PLCB1: variants seen among roughly 807,000 people sequenced by gnomAD.
The protein encoded by PLCB1 is 1-phosphatidylinositol 4,5-bisphosphate phosphodiesterase beta-1.
A neutral mutation model predicts 161.8 loss-of-function variants in PLCB1; 46 were observed. The observed-to-expected ratio is 0.28, with a 90% CI of 0.22 to 0.36. PLCB1 has a LOEUF of 0.36. Ranked by LOEUF, PLCB1 falls within the 10% of genes least tolerant of loss-of-function variation. The probability of loss-of-function intolerance (pLI) is 1.00; values close to 1 mark genes in which losing one functional copy is unlikely to be tolerated. For missense variants in PLCB1, 1,016 were observed against 1,472.5 expected, an observed-to-expected ratio of 0.69 and a Z score of 5.07; for synonymous variants, 517 against 503.7, an observed-to-expected ratio of 1.03 and a Z score of -0.35.
intron 1 of PLCB1, among the ~76,000 whole-genome samples, chr20:8,134,234 A>G (rs545569906): frequency 6.6e-6 from 1 of 152,384 alleles, no homozygotes; most frequent in African/African-American, 2.4e-5. Flanking sequence ...AAGACAAAGA[A>G]AATGCAGTTC....
intron 11 of PLCB1, among the ~76,000 whole-genome samples, chr20:8,699,518 G>T (rs184386270): frequency 2.0e-5 from 3 of 152,224 alleles, no homozygotes; most frequent in East Asian, 1.9e-4. Flanking sequence ...AAGATTGAAA[G>T]GTAGTGTTTT....
At chr20:8,425,799 A>C (rs1010500314) in intron 3 of PLCB1, among the ~76,000 whole-genome samples, 8 of 152,232 alleles carry the variant, frequency 5.3e-5, no homozygotes, top group African/African-American at 1.9e-4. Flanking sequence ...GTCCACGCTC[A>C]TTAAGGCTGT....
chr20:8,531,253 G>T (rs914889885), intron 3 of PLCB1, among the ~76,000 whole-genome samples: 1 of 151,984 alleles, frequency 6.6e-6, no homozygotes, highest in Non-Finnish European at 1.5e-5. Context: ...CTCTGTAAAA[G>T]AATTATATTA....
intron 31 of PLCB1, among the ~76,000 whole-genome samples, chr20:8,808,189 A>C (rs775750687): frequency 1.8e-4 from 27 of 152,216 alleles, no homozygotes; most frequent in Non-Finnish European, 2.9e-4. Flanking sequence ...AAAATGTCAC[A>C]GACTGGGTGG....
At chr20:8,449,303 T>A (rs1980970203) in intron 3 of PLCB1, among the ~76,000 whole-genome samples, 1 of 152,182 alleles carries the variant, frequency 6.6e-6, no homozygotes, top group Non-Finnish European at 1.5e-5. Flanking sequence ...CACTAAACAC[T>A]CTTGGCTACC....
chr20:8,610,435 G>C (rs1016773497), intron 3 of PLCB1, among the ~76,000 whole-genome samples: 1 of 152,102 alleles, frequency 6.6e-6, no homozygotes, highest in Non-Finnish European at 1.5e-5. Flanking sequence ...GAAAAATGCT[G>C]CTATGAACTT....
chr20:8,833,090 G>C (rs1406600735), intron 31 of PLCB1, among the ~76,000 whole-genome samples: 1 of 152,200 alleles, frequency 6.6e-6, no homozygotes, highest in Non-Finnish European at 1.5e-5. Flanking sequence ...GCAATGAGGA[G>C]ATTATCTTGG....
At chr20:8,653,648 C>T (rs1989376780) in intron 7 of PLCB1, 1 of 151,958 alleles carries the variant, frequency 6.6e-6, no homozygotes. Context: ...TTTAAAATAA[C>T]ATTTTTTCTG....
chr20:8,435,884 G>C (rs1568674952), intron 3 of PLCB1, among the ~76,000 whole-genome samples: 1 of 152,120 alleles, frequency 6.6e-6, no homozygotes, highest in Non-Finnish European at 1.5e-5. Flanking sequence ...GGTTTTGACT[G>C]ACCCCAGATG....
chr20:8,714,721 G>T (rs915159240), intron 12 of PLCB1, among the ~76,000 whole-genome samples: 3 of 152,176 alleles, frequency 2.0e-5, no homozygotes, highest in Non-Finnish European at 2.9e-5. Flanking sequence ...CACGGTTGCT[G>T]TGGAGGACTT....
At chr20:8,434,450 A>G (rs1477030677) in intron 3 of PLCB1, among the ~76,000 whole-genome samples, 2 of 152,200 alleles carry the variant, frequency 1.3e-5, no homozygotes, top group African/African-American at 4.8e-5. Flanking sequence ...CTTCTGTCTT[A>G]TTCACTGCTT....
chr20:8,568,936 A>T (rs1312303911), intron 3 of PLCB1, among the ~76,000 whole-genome samples: 1 of 152,232 alleles, frequency 6.6e-6, no homozygotes, highest in African/African-American at 2.4e-5. Context: ...ATTGTGGACA[A>T]CTGGAAGCTA....
At position 8,739,264 on chromosome 20, in the gene PLCB1, G is replaced by T; in HGVS notation, c.2212G>T (p.Val738Phe). 1.9e-6 allele frequency: 3 copies of T among 1,602,608 alleles called. No homozygotes were observed. The highest frequency in any genetic ancestry group is 2.6e-6 in the Non-Finnish European group (3 of 1,169,542). Residue 738 changes from valine to phenylalanine, a missense_variant, in exon 21 of 32, where the codon GTT becomes TTT. By Grantham distance (50) the Val-to-Phe change is conservative. This residue lies in a region of PLCB1 where 75 missense variants were observed against 117.0 expected (regional missense o/e 0.64). Transcript: ENST00000338037. ...EEEPIVFKKV[V>F]LPTLACLRIA... Reference sequence around the variant, plus strand: ...GTGTCCTTAATGTCCTTTGTAGGTGGTTCTTCCTACTCTGGCCTGTTTGAG... The same window carrying T: ...GTGTCCTTAATGTCCTTTGTAGGTGTTTCTTCCTACTCTGGCCTGTTTGAG...
At position 8,703,435 on chromosome 20, in the gene PLCB1, G is replaced by C. The variant is rs985544810; in HGVS notation, c.1168-5235G>C. Among the ~76,000 whole-genome samples, 5 of 152,290 alleles carry C rather than the reference G, an allele frequency of 3.3e-5. No homozygotes were observed. In the East Asian group the frequency reaches 7.7e-4, roughly 24 times the overall value. On this transcript the variant is annotated intron_variant, in intron 11 of 31. Transcript: ENST00000338037. ...GGTGGGGGGCTAAATTAAGTCATCT[G>C]TAAGGCTAACATGGTAGAAGGTGTG...
chr20:8,474,612 T>A (rs1982193410), intron 3 of PLCB1, among the ~76,000 whole-genome samples: 1 of 152,154 alleles, frequency 6.6e-6, no homozygotes, highest in Non-Finnish European at 1.5e-5. Context: ...GACTGACTAT[T>A]GAGCCATAAA....
intron 31 of PLCB1, among the ~76,000 whole-genome samples, chr20:8,793,730 T>C (rs1983883075): frequency 6.6e-6 from 1 of 152,196 alleles, no homozygotes; most frequent in African/African-American, 2.4e-5. Flanking sequence ...AAATTGCTAA[T>C]GAAGTTTTGG....
At position 8,132,718 on chromosome 20, in the gene PLCB1, A is replaced by G. The variant is rs2051304754; in HGVS notation, c.67A>G (p.Lys23Glu). ...LKPVCVSDSL[K>E]KGTKFVKWDD... is the part of the protein sequence containing the mutation. ...GCCCGTGTGCGTGTCCGACAGCCTC[A>G]AGAAGGGCACCAAATTCGTCAAGTG... Residue 23 changes from lysine to glutamate, a missense_variant, in exon 1 of 32, where the codon AAG becomes GAG. Transcript: ENST00000338037. This position sits in a 1 kb window ranked among gnomAD's most constrained non-coding sequence, Gnocchi z 5.2. 6.2e-7 allele frequency: 1 copy of G among 1,612,260 alleles called. No individual in the cohort carries two copies. Among genetic ancestry groups the G allele is most frequent in the African/African-American group, 1.3e-5 (1 of 74,966 alleles).
chr20:8,684,152 G>A (rs542876238), intron 9 of PLCB1, among the ~76,000 whole-genome samples: 2 of 151,974 alleles, frequency 1.3e-5, no homozygotes, highest in East Asian at 3.9e-4. Context: ...CCAAAGTGCT[G>A]GGATTACAGG....
At chr20:8,349,523 TTCTG>T (rs1374813717) in intron 2 of PLCB1, among the ~76,000 whole-genome samples, 1 of 152,250 alleles carries the variant, frequency 6.6e-6, no homozygotes, top group Admixed American at 6.5e-5. Flanking sequence ...CAACTTGCAG[TTCTG>T]TGGTCAAAGG....
Sources: gnomAD v4.1 joint callset for allele counts (sites outside exome capture counted in the v4.1 genomes callset) on GRCh38, gnomAD v4.1.1 for gene constraint, gnomAD v4.1.1 regional missense constraint, Gnocchi (gnomAD v3.1) non-coding constraint, MANE v1.5 for transcripts, NCBI Gene and HGNC (gene_info 2026-07-23, HGNC 2026-07-21) for gene names.